The following LAMA2 variants were observed in gnomAD, a reference collection of about 807,000 sequenced individuals.
The protein encoded by LAMA2 is laminin subunit alpha 2, also known as laminin subunit alpha-2.
LAMA2 carries 269 observed loss-of-function variants against 364.8 expected under a neutral mutation model. That is an observed-to-expected ratio of 0.74 (90% CI 0.67 to 0.82). The LOEUF (loss-of-function observed/expected upper bound fraction) is 0.82. Ranked by LOEUF, LAMA2 falls within the 40% of genes least tolerant of loss-of-function variation. LAMA2 has a pLI of 0.00. For synonymous variants in LAMA2, 1,379 were observed against 1,370.6 expected (o/e 1.01, Z -0.14); for missense variants, 3,807 against 3,873.2 (o/e 0.98, Z 0.45).
In LAMA2 at chr6:129,486,471, CA is replaced by C. The variant is rs1784589635; in HGVS notation, c.7750-2del. 6.2e-7 allele frequency: 1 copy of C among 1,613,050 alleles called. No homozygotes were observed. Among genetic ancestry groups the C allele is most frequent in the African/African-American group, 1.3e-5 (1 of 74,882 alleles). Reference sequence around the variant, plus strand: ...AATCTTCAATAACCACTTGCTGTTGCAGGCCTATTATGCAATACTCCTCAAC... The same window carrying C: ...AATCTTCAATAACCACTTGCTGTTGCGGCCTATTATGCAATACTCCTCAAC... On this transcript the variant is annotated splice_acceptor_variant, in intron 55 of 64. Transcript: ENST00000421865. LOFTEE classifies it high-confidence loss of function.
At chr6:129,137,315 C>T (rs1266966183) in intron 4 of LAMA2, among the ~76,000 whole-genome samples, 1 of 151,402 alleles carries the variant, frequency 6.6e-6, no homozygotes, top group East Asian at 1.9e-4. Flanking sequence ...CTACATGCTG[C>T]ATGAAAATGA....
chr6:129,284,423 A>G (rs557975537), intron 18 of LAMA2, among the ~76,000 whole-genome samples: 1 of 152,198 alleles, frequency 6.6e-6, no homozygotes, highest in African/African-American at 2.4e-5. Flanking sequence ...CAGTTGTTCT[A>G]CTGCTACGTT....
At position 129,507,650 on chromosome 6, in the gene LAMA2, T is replaced by G; in HGVS notation, c.8857+8T>G. 1 of 1,613,786 alleles carries G rather than the reference T, an allele frequency of 6.2e-7. No homozygotes were observed. On this transcript the variant is annotated splice_region_variant and intron_variant, in intron 62 of 64. Transcript: ENST00000421865. ...CCGGTTTTGCCAAAGCAGGTAAGGC[T>G]CTTTCATTTCCTTCCTGTTGATTAT...
chr6:129,163,784 C>A (rs1311847377), intron 8 of LAMA2, among the ~76,000 whole-genome samples: 1 of 152,230 alleles, frequency 6.6e-6, no homozygotes, highest in Non-Finnish European at 1.5e-5. Flanking sequence ...TACTCTTCCT[C>A]CTATCATCTC....
chr6:129,085,991 C>G (rs1774358519), intron 3 of LAMA2, among the ~76,000 whole-genome samples: 1 of 152,208 alleles, frequency 6.6e-6, no homozygotes, highest in African/African-American at 2.4e-5. Context: ...TGACATCAGG[C>G]TTGCAGCCGT....
At chr6:128,990,586 G>T (rs551722248) in intron 1 of LAMA2, among the ~76,000 whole-genome samples, 1 of 152,246 alleles carries the variant, frequency 6.6e-6, no homozygotes, top group South Asian at 2.1e-4. Flanking sequence ...GGACTTTGTA[G>T]TTAGGCGATT....
rs770280972 is a variant in LAMA2 at position 129,514,570 on chromosome 6, C to T, written c.9186C>T (p.Asp3062=). ...CATCTACATCAGCTGACACAAATGA[C>T]CCTGTGTTTGTTGGAGGCTTCCCAG... ...NPASTSADTN[D]PVFVGGFPDD... is the part of the protein sequence containing the mutation. Residue 3062 remains aspartate, a synonymous_variant, in exon 64 of 65, where the codon GAC becomes GAT. Transcript: ENST00000421865. 16 of 1,614,050 alleles carry T rather than the reference C, an allele frequency of 9.9e-6. No homozygotes were observed. The highest frequency in any genetic ancestry group is 1.7e-6 in the Non-Finnish European group (2 of 1,179,976).
At chr6:129,491,634 C>T (rs1228673170) in intron 56 of LAMA2, among the ~76,000 whole-genome samples, 1 of 152,208 alleles carries the variant, frequency 6.6e-6, no homozygotes, top group Non-Finnish European at 1.5e-5. Context: ...TGTTGGGCTG[C>T]ACAGCGCTGT....
At chr6:129,506,066 G>T (rs144035690) in intron 61 of LAMA2, among the ~76,000 whole-genome samples, 1 of 152,090 alleles carries the variant, frequency 6.6e-6, no homozygotes, top group African/African-American at 2.4e-5. Flanking sequence ...TATTTAAAGT[G>T]ATTGGGTTGG....
intron 41 of LAMA2, among the ~76,000 whole-genome samples, chr6:129,429,335 T>C (rs1450890254): frequency 1.3e-5 from 2 of 152,182 alleles, no homozygotes; most frequent in African/African-American, 4.8e-5. Flanking sequence ...AGACATGGGG[T>C]TTTGCTAACT....
Position 129,407,180 on chromosome 6 carries a change from T to C in LAMA2, c.5865+3221T>C, listed in dbSNP as rs139385497. On this transcript the variant is annotated intron_variant, in intron 40 of 64. Coordinates refer to ENST00000421865, the MANE Select transcript of LAMA2 (RefSeq NM_000426.4). ...TCCAGTCCAGTGACTCAAATTTTAA[T>C]CTCCTTTGGCAACACCCTCACAGAG... Among the ~76,000 whole-genome samples the C allele has an allele frequency of 5.2e-3, 789 of 152,130 alleles. 6 individuals carry two copies. Among genetic ancestry groups the C allele is most frequent in the African/African-American group, 0.018 (765 of 41,498 alleles).
intron 13 of LAMA2, among the ~76,000 whole-genome samples, chr6:129,250,870 G>A (rs1211572977): frequency 1.3e-5 from 2 of 151,984 alleles, no homozygotes; most frequent in Non-Finnish European, 2.9e-5. Context: ...ATGGGTAGAT[G>A]TTAATTTAGC....
chr6:129,439,826 A>G (rs1347170188), intron 42 of LAMA2, among the ~76,000 whole-genome samples: 1 of 24,224 alleles, frequency 4.1e-5, no homozygotes, highest in African/African-American at 2.7e-4. Context: ...TCAATTGGTC[A>G]TATATATATA....
At chr6:129,501,620 C>A (rs1247438270) in intron 58 of LAMA2, among the ~76,000 whole-genome samples, 1 of 152,188 alleles carries the variant, frequency 6.6e-6, no homozygotes, top group East Asian at 1.9e-4. Flanking sequence ...TGCTTGAGAA[C>A]CTCTGCTGAG....
intron 31 of LAMA2, among the ~76,000 whole-genome samples, 179 bp downstream of exon 31, chr6:129,349,563 T>G (rs1048542861): frequency 3.3e-5 from 5 of 152,104 alleles, no homozygotes; most frequent in African/African-American, 1.2e-4. Context: ...AGAAAGTTGT[T>G]TATTTCCACC....
chr6:129,106,330 A>T (rs1037713958), intron 4 of LAMA2, among the ~76,000 whole-genome samples: 1 of 152,160 alleles, frequency 6.6e-6, no homozygotes, highest in African/African-American at 2.4e-5. Context: ...AGACTGTATT[A>T]AAAAATGTTT....
chr6:129,258,403 T>G (rs9492285), intron 14 of LAMA2, among the ~76,000 whole-genome samples: 14 of 152,032 alleles, frequency 9.2e-5, no homozygotes, highest in Admixed American at 6.6e-4. Flanking sequence ...GCAGTGAACA[T>G]TAGTCATTAA....
chr6:129,154,820 C>T (rs1040216408), intron 8 of LAMA2, 137 bp downstream of exon 8: 14 of 741,630 alleles, frequency 1.9e-5, no homozygotes, highest in African/African-American at 7.1e-5. Flanking sequence ...AGGAACATTT[C>T]GTAGTTGAAA....
At chr6:129,116,273 C>T (rs980291812) in intron 4 of LAMA2, among the ~76,000 whole-genome samples, 5 of 152,136 alleles carry the variant, frequency 3.3e-5, no homozygotes, top group African/African-American at 1.2e-4. Context: ...GACCTACATT[C>T]ATTAAATTAA....
Sources: gnomAD v4.1 joint callset for allele counts (sites outside exome capture counted in the v4.1 genomes callset) on GRCh38, gnomAD v4.1.1 for gene constraint, MANE v1.5 for transcripts, NCBI Gene and HGNC (gene_info 2026-07-23, HGNC 2026-07-21) for gene names.